Variants in CAD observed in about 807,000 individuals in gnomAD.
CAD encodes multifunctional protein CAD.
Under a neutral mutation model 237.2 loss-of-function variants are expected in CAD, and 81 were observed. The observed-to-expected ratio is 0.34, with a 90% confidence interval of 0.29 to 0.41. CAD has a LOEUF of 0.41. Ranked by LOEUF, CAD falls within the 10% of genes least tolerant of loss-of-function variation. The pLI is 1.00. For synonymous variants in CAD, 1,196 were observed against 1,162.8 expected (o/e 1.03, Z -0.58); for missense variants, 2,181 against 2,951.7 (o/e 0.74, Z 6.05).
In CAD at chr2:27,243,643, A is replaced by T; in HGVS notation, c.*125A>T. 1.3e-6 allele frequency: 1 copy of T among 762,886 alleles called. No individual in the cohort carries two copies. The highest frequency in any genetic ancestry group is 1.8e-5 in the South Asian group (1 of 55,892). The allele number at this position is 762,886 out of a possible 1,614,324, so 47.3% of individuals were successfully genotyped here. A position where few individuals can be genotyped will look rare whatever the true frequency, so the allele number is the denominator to read the frequency against. Reference sequence around the variant, plus strand: ...CAGATAGCTCACATGTGCTGACCACACTTCAGGCTCTGGACTGGAGCTCTC... The same window carrying T: ...CAGATAGCTCACATGTGCTGACCACTCTTCAGGCTCTGGACTGGAGCTCTC... On this transcript the variant is annotated 3_prime_UTR_variant, in exon 44 of 44. Coordinates refer to ENST00000264705, the MANE Select transcript of CAD (RefSeq NM_004341.5).
intron 15 of CAD, among the ~76,000 whole-genome samples, chr2:27,227,836 GAT>G (rs1675510613): frequency 1.3e-5 from 2 of 152,296 alleles, no homozygotes; most frequent in Admixed American, 1.3e-4. Context: ...AACGAGGAAA[GAT>G]AGTTTAACCA....
At position 27,218,944 on chromosome 2, in the gene CAD, G is replaced by C. The variant is rs369466919; in HGVS notation, c.222+928G>C. Among the ~76,000 whole-genome samples, 18 of 152,266 alleles carry C rather than the reference G, an allele frequency of 1.2e-4. No homozygotes were observed. In the South Asian group the frequency reaches 3.5e-3, roughly 30 times the overall value. ...AAGGACGTACATGTTGTTCTTCCTG[G>C]AAAAGAATTTCTAGGTTCATCACAA... On this transcript the variant is annotated intron_variant, in intron 2 of 43. Coordinates refer to ENST00000264705, the MANE Select transcript of CAD (RefSeq NM_004341.5).
In CAD at chr2:27,217,922, C is replaced by T. The variant is rs200680497; in HGVS notation, c.128C>T (p.Pro43Leu). 1 of 1,612,324 alleles carries T rather than the reference C, an allele frequency of 6.2e-7. No homozygotes were observed. The highest frequency in any genetic ancestry group is 8.5e-7 in the Non-Finnish European group (1 of 1,179,130). Reference sequence around the variant, plus strand: ...GGCTACCCCGAGGCCCTCACTGATCCCTCCTACAAGGCACAGATCTTAGTG... The same window carrying T: ...GGCTACCCCGAGGCCCTCACTGATCTCTCCTACAAGGCACAGATCTTAGTG... ...MVGYPEALTDPSYKAQILVLT... is the reference protein window; with the variant it reads ...MVGYPEALTDLSYKAQILVLT... The change falls in exon 2 of 44, where the codon CCC (proline) becomes CTC (leucine). Residue 43 changes from proline (P) to leucine (L), a missense_variant. Pro to Leu is a moderately conservative substitution (Grantham distance 98, BLOSUM62 -3). Coordinates refer to ENST00000264705, the MANE Select transcript of CAD (RefSeq NM_004341.5).
At position 27,226,327 on chromosome 2, in the gene CAD, C is replaced by G. The variant is rs990647344; in HGVS notation, c.2031+8C>G. ...AACCCTGAGTCTGAGCAGGTAAGCT[C>G]TAGGCCCTGGAACTGATAGTCTAGT... is the stretch of plus-strand genomic sequence containing the variant. On this transcript the variant is annotated splice_region_variant and intron_variant, in intron 13 of 43. Coordinates refer to ENST00000264705, the MANE Select transcript of CAD (RefSeq NM_004341.5). The G allele has an allele frequency of 1.2e-6, 2 of 1,613,330 alleles. No individual in the cohort carries two copies. Among genetic ancestry groups the G allele is most frequent in the Non-Finnish European group, 1.7e-6 (2 of 1,179,372 alleles).
chr2:27,233,100 A>G lies in CAD; in HGVS notation c.2951A>G (p.Asp984Gly). The G allele has an allele frequency of 6.2e-7, 1 of 1,613,806 alleles. No individual in the cohort carries two copies. Among genetic ancestry groups the G allele is most frequent in the Non-Finnish European group, 8.5e-7 (1 of 1,179,688 alleles). Residue 984 changes from aspartate to glycine, a missense_variant, in exon 19 of 44, where the codon GAC becomes GGC. Physicochemically the swap from Asp to Gly is moderately conservative, Grantham distance 94. Coordinates refer to ENST00000264705, the MANE Select transcript of CAD (RefSeq NM_004341.5). This position sits in a 1 kb window ranked among gnomAD's most constrained non-coding sequence, Gnocchi z 6.3. ...CCAGAGACAGTCAGCACCGACTATG[A>G]CATGTGTGATCGACTCTACTTTGAT... ...YNPETVSTDY[D>G]MCDRLYFDEI...
chr2:27,235,150 A>G lies in CAD; in HGVS notation c.3787-95A>G. On this transcript the variant is annotated intron_variant, in intron 23 of 43. Coordinates refer to ENST00000264705, the MANE Select transcript of CAD (RefSeq NM_004341.5). This position sits in a 1 kb window ranked among gnomAD's most constrained non-coding sequence, Gnocchi z 5.2. ...AGGGCAGGCTGACCCTGCCATTCAG[A>G]TGGGATCAAGCACAGGGTACTGTGT... 2.5e-6 allele frequency: 3 copies of G among 1,184,170 alleles called. No homozygotes were observed. 73.4% of individuals were successfully genotyped at this position (1,184,170 alleles called of 1,614,324 possible). A position where few individuals can be genotyped will look rare whatever the true frequency, so the allele number is the denominator to read the frequency against.
At position 27,223,005 on chromosome 2, in the gene CAD, C is replaced by T. The variant is rs765381267; in HGVS notation, c.777C>T (p.Ala259=). ...TCTGCCTGGGACACCAGCTATTGGC[C>T]TTAGCCATTGGGGCCAAGACTTACA... The part of the protein sequence containing the change: ...FGICLGHQLL[A]LAIGAKTYKM... The change falls in exon 6 of 44, where the codon GCC becomes GCT. Residue 259 remains alanine (A), a synonymous_variant. Coordinates refer to ENST00000264705, the MANE Select transcript of CAD (RefSeq NM_004341.5). 3.4e-5 allele frequency: 55 copies of T among 1,614,032 alleles called. No homozygotes were observed. Among genetic ancestry groups the T allele is most frequent in the Non-Finnish European group, 4.6e-5 (54 of 1,180,038 alleles).
Position 27,243,576 on chromosome 2 carries a change from T to G in CAD, c.*58T>G. 1.1e-5 allele frequency: 14 copies of G among 1,259,012 alleles called. No homozygotes were observed. The highest frequency in any genetic ancestry group is 2.0e-5 in the Admixed American group (1 of 49,402). The allele number at this position is 1,259,012 out of a possible 1,614,324, so 78.0% of individuals were successfully genotyped here. ...CCAGCTGCTGGGCAAGGAATTCCAG[T>G]GCCTCCTACGGGGGCAGCACACTTA... On this transcript the variant is annotated 3_prime_UTR_variant, in exon 44 of 44. Coordinates refer to ENST00000264705, the MANE Select transcript of CAD (RefSeq NM_004341.5).
intron 11 of CAD, 100 bp downstream of exon 11, chr2:27,225,343 G>A: frequency 4.6e-6 from 3 of 655,554 alleles, no homozygotes; most frequent in Non-Finnish European, 7.1e-6. Flanking sequence ...TTTCGCTCTT[G>A]TTGCGCAGGC....
In CAD at chr2:27,239,713, G is replaced by A; in HGVS notation, c.5411G>A (p.Gly1804Asp). 1 of 1,591,656 alleles carries A rather than the reference G, an allele frequency of 6.3e-7. No homozygotes were observed. Among genetic ancestry groups the A allele is most frequent in the Admixed American group, 1.8e-5 (1 of 56,920 alleles). Reference protein sequence around the residue: ...YIDGQVLVPPGYGQDVRKWPQ... With the variant: ...YIDGQVLVPPDYGQDVRKWPQ... ...TGCCTGCAGGTTCTGGTACCCCCGG[G>A]CTATGGACAGGATGTACGGAAGTGG... The change falls in exon 34 of 44, where the codon GGC (glycine) becomes GAC (aspartate). Residue 1804 changes from glycine to aspartate, a missense_variant. Around this residue, in one of 12 missense-constraint regions of CAD, gnomAD observed 478 missense variants for 515.0 expected, o/e 0.93. Coordinates refer to ENST00000264705, the MANE Select transcript of CAD (RefSeq NM_004341.5). This position sits in a 1 kb window ranked among gnomAD's most constrained non-coding sequence, Gnocchi z 4.0.
Position 27,240,439 on chromosome 2 carries a change from C to T in CAD, c.5593+78C>T. 6.7e-7 allele frequency: 1 copy of T among 1,489,814 alleles called. No individual in the cohort carries two copies. The highest frequency in any genetic ancestry group is 9.4e-7 in the Non-Finnish European group (1 of 1,067,194). The allele number at this position is 1,489,814 out of a possible 1,614,324, so 92.3% of individuals were successfully genotyped here. On this transcript the variant is annotated intron_variant, in intron 35 of 43. Transcript: ENST00000264705. This position sits in a 1 kb window ranked among gnomAD's most constrained non-coding sequence, Gnocchi z 4.6. ...CTTCCCAGTGCCTCGCCTTTCTCTA[C>T]TTACATGTCCTCCTCTCCATCCCTT... is the stretch of plus-strand genomic sequence containing the variant.
At chr2:27,222,389 C>A in intron 4 of CAD, 53 bp downstream of exon 4, 3 of 1,588,296 alleles carry the variant, frequency 1.9e-6, no homozygotes, top group Non-Finnish European at 2.6e-6. Context: ...TAGTTATATT[C>A]TGCCCACAAT....
Position 27,235,689 on chromosome 2 carries a change from G to C in CAD, c.4074+49G>C. ...CCCACTGCTGCCCTTCCCCAAGGGG[G>C]TGAAAATACTGCACCAAAGAATTAT... is the stretch of plus-strand genomic sequence containing the variant. On this transcript the variant is annotated intron_variant, in intron 25 of 43. Transcript: ENST00000264705. The surrounding 1 kb of genome is among the most constrained non-coding windows in gnomAD (Gnocchi z 5.2). The C allele has an allele frequency of 6.7e-7, 1 of 1,486,766 alleles. No homozygotes were observed. The highest frequency in any genetic ancestry group is 9.4e-7 in the Non-Finnish European group (1 of 1,066,296). The allele number at this position is 1,486,766 out of a possible 1,614,324, so 92.1% of individuals were successfully genotyped here. A position where few individuals can be genotyped will look rare whatever the true frequency, so the allele number is the denominator to read the frequency against.
rs755027803 is a variant in CAD at position 27,236,785 on chromosome 2, G to A, written c.4351G>A (p.Val1451Met). ...GQIGPAPPLKVHVDCMTSQKL... is the reference protein window; with the variant it reads ...GQIGPAPPLKMHVDCMTSQKL... Reference sequence around the variant, plus strand: ...GATCGGGCCAGCCCCTCCTTTGAAGGTGCATGTTGACTGTATGACCTCCCA... The same window carrying A: ...GATCGGGCCAGCCCCTCCTTTGAAGATGCATGTTGACTGTATGACCTCCCA... Residue 1451 changes from valine (V) to methionine (M), a missense_variant, in exon 27 of 44, where the codon GTG becomes ATG. By Grantham distance (21) the Val-to-Met change is conservative. This residue lies in a region of CAD where 306 missense variants were observed against 607.9 expected (regional missense o/e 0.50). Transcript: ENST00000264705. This position sits in a 1 kb window ranked among gnomAD's most constrained non-coding sequence, Gnocchi z 4.1. 4 of 1,614,074 alleles carry A rather than the reference G, an allele frequency of 2.5e-6. No individual in the cohort carries two copies. Among genetic ancestry groups the A allele is most frequent in the Non-Finnish European group, 3.4e-6 (4 of 1,180,018 alleles).
At chr2:27,219,490 C>T (rs1485352415) in intron 2 of CAD, among the ~76,000 whole-genome samples, 1 of 152,090 alleles carries the variant, frequency 6.6e-6, no homozygotes. Context: ...CTACAGGCAC[C>T]TGCCGCCATG....
In CAD at chr2:27,236,824, C is replaced by T; in HGVS notation, c.4390C>T (p.Leu1464=). The change falls in exon 27 of 44, where the codon CTG becomes TTG. Residue 1464 remains leucine (L), a synonymous_variant. Transcript: ENST00000264705. This position sits in a 1 kb window ranked among gnomAD's most constrained non-coding sequence, Gnocchi z 4.1. The part of the protein sequence containing the change: ...DCMTSQKLVR[L]PGLIDVHVHL... Reference sequence around the variant, plus strand: ...TATGACCTCCCAAAAGCTTGTGCGACTGCCGGGTAAGTCTTTGGGGAGAAC... The same window carrying T: ...TATGACCTCCCAAAAGCTTGTGCGATTGCCGGGTAAGTCTTTGGGGAGAAC... 6.2e-7 allele frequency: 1 copy of T among 1,614,072 alleles called. No homozygotes were observed. The highest frequency in any genetic ancestry group is 2.2e-5 in the East Asian group (1 of 44,872).
Position 27,233,749 on chromosome 2 carries a change from G to T in CAD, c.3340G>T (p.Ala1114Ser). The change falls in exon 21 of 44, where the codon GCA becomes TCA. Residue 1114 changes from alanine to serine, a missense_variant. Physicochemically the swap from Ala to Ser is moderately conservative, Grantham distance 99. Around this residue, in one of 12 missense-constraint regions of CAD, gnomAD observed 306 missense variants for 607.9 expected, o/e 0.50. Transcript: ENST00000264705. This position sits in a 1 kb window ranked among gnomAD's most constrained non-coding sequence, Gnocchi z 6.3. The stretch of plus-strand genomic sequence containing the variant: ...AGACCTGGAGCGCTTCCTGAGCAGC[G>T]CAGCAGCCGTCTCCAAAGAGCATCC... ...DGDLERFLSS[A>S]AAVSKEHPVV... 1 of 1,614,084 alleles carries T rather than the reference G, an allele frequency of 6.2e-7. No individual in the cohort carries two copies. Among genetic ancestry groups the T allele is most frequent in the Non-Finnish European group, 8.5e-7 (1 of 1,180,022 alleles).
chr2:27,242,531 A>C lies in CAD; in HGVS notation c.6223-89A>C. 1 of 1,558,452 alleles carries C rather than the reference A, an allele frequency of 6.4e-7. No individual in the cohort carries two copies. Among genetic ancestry groups the C allele is most frequent in the African/African-American group, 1.4e-5 (1 of 73,840 alleles). The stretch of plus-strand genomic sequence containing the variant: ...GGACAGCTGCATCAAGGAGGCCTTC[A>C]TTCTGCTCCAGAGGCTTTTAAAAGC... On this transcript the variant is annotated intron_variant, in intron 40 of 43. Coordinates refer to ENST00000264705, the MANE Select transcript of CAD (RefSeq NM_004341.5). This position sits in a 1 kb window ranked among gnomAD's most constrained non-coding sequence, Gnocchi z 6.4.
chr2:27,232,470 C>T lies in CAD; in HGVS notation c.2668C>T (p.Leu890=). ...VLSTELAVRK[L]RQELGICPAV... ...TAGCACAGAGCTGGCTGTTCGCAAGCTGCGTCAGGAACTGGGGATCTGTCC... is the reference window on the plus strand; with the variant it reads ...TAGCACAGAGCTGGCTGTTCGCAAGTTGCGTCAGGAACTGGGGATCTGTCC... Residue 890 remains leucine (L), a synonymous_variant, in exon 18 of 44, where the codon CTG becomes TTG. Transcript: ENST00000264705. The surrounding 1 kb of genome is among the most constrained non-coding windows in gnomAD (Gnocchi z 4.1). 1 of 1,614,220 alleles carries T rather than the reference C, an allele frequency of 6.2e-7. No individual in the cohort carries two copies.
Sources: allele counts gnomAD v4.1 joint callset (sites outside exome capture counted in the v4.1 genomes callset), GRCh38; gene constraint gnomAD v4.1.1; regional missense constraint gnomAD v4.1.1; non-coding constraint Gnocchi (gnomAD v3.1); transcripts MANE v1.5; gene names NCBI Gene and HGNC (gene_info 2026-07-23, HGNC 2026-07-21).